Variants in OTOGL observed in about 807,000 individuals in gnomAD.
OTOGL encodes the protein otogelin like.
A neutral mutation model predicts 318.5 loss-of-function variants in OTOGL; 285 were observed. That is an observed-to-expected ratio of 0.89 (90% CI 0.81 to 0.99). The LOEUF is 0.99. Ranked by LOEUF, OTOGL falls within the 50% of genes least tolerant of loss-of-function variation. The pLI is 0.00. For missense variants in OTOGL, 2,899 were observed against 2,845.6 expected (o/e 1.02, Z -0.43); for synonymous variants, 987 against 936.5 (o/e 1.05, Z -0.99).
At chr12:80,222,590 CAG>C (rs1878456433) in intron 7 of OTOGL, among the ~76,000 whole-genome samples, 1 of 152,140 alleles carries the variant, frequency 6.6e-6, no homozygotes, top group Non-Finnish European at 1.5e-5. Flanking sequence ...TGACTGAACT[CAG>C]AGAATTAATT....
chr12:80,190,719 G>A (rs187087334), intron 1 of OTOGL, among the ~76,000 whole-genome samples: 6 of 147,802 alleles, frequency 4.1e-5, no homozygotes, highest in Admixed American at 1.4e-4. Flanking sequence ...CCCAAGAGGC[G>A]GAGCTTGCAG....
chr12:80,252,103 A>C lies in OTOGL; in HGVS notation c.1187A>C (p.His396Pro). The C allele has an allele frequency of 6.4e-7, 1 of 1,555,264 alleles. No homozygotes were observed. Among genetic ancestry groups the C allele is most frequent in the African/African-American group, 1.4e-5 (1 of 73,564 alleles). Residue 396 changes from histidine (H) to proline (P), a missense_variant, in exon 13 of 59, where the codon CAT (histidine) becomes CCT (proline). By Grantham distance (77) the His-to-Pro change is moderately conservative. Coordinates refer to ENST00000547103, the MANE Select transcript of OTOGL (RefSeq NM_001378609.3). ...CTDKCDDSFV[H>P]RDCISCCPPT... ...GATAAATGTGATGATAGCTTTGTCC[A>C]TCGGGACTGTATCAGTTGTTGTCCA...
At chr12:80,323,660 G>T in intron 34 of OTOGL, 63 bp from the exon 35 acceptor site, 3 of 1,255,032 alleles carry the variant, frequency 2.4e-6, no homozygotes, top group Non-Finnish European at 3.5e-6. Flanking sequence ...AAAGAAAAGG[G>T]AATTGTTAGT....
At position 80,379,379 on chromosome 12, in the gene OTOGL, C is replaced by G. The variant is rs920536373; in HGVS notation, c.*1331C>G. 4 of 151,896 alleles carry G rather than the reference C, an allele frequency of 2.6e-5. No individual in the cohort carries two copies. The highest frequency in any genetic ancestry group is 5.9e-5 in the Non-Finnish European group (4 of 67,882). 9.4% of individuals were successfully genotyped at this position (151,896 alleles called of 1,614,324 possible). On this transcript the variant is annotated 3_prime_UTR_variant, in exon 59 of 59. Coordinates refer to ENST00000547103, the MANE Select transcript of OTOGL (RefSeq NM_001378609.3). ...CTTTCATATACTAATGTTTTCATTT[C>G]AAAATCATGTGTCCCCAAAATATTG...
chr12:80,244,245 G>A (rs889689956), intron 11 of OTOGL, among the ~76,000 whole-genome samples: 1 of 146,434 alleles, frequency 6.8e-6, no homozygotes, highest in African/African-American at 2.6e-5. Context: ...ATGTATACAT[G>A]TGCTGTGCTG....
rs111423125 is a variant in OTOGL, at chr12:80,370,541, T to C, written c.6616-29T>C. The C allele has an allele frequency of 1.2e-5, 17 of 1,454,926 alleles. No homozygotes were observed. In the African/African-American group the frequency reaches 1.3e-4, roughly 11 times the overall value. The allele number at this position is 1,454,926 out of a possible 1,614,324, so 90.1% of individuals were successfully genotyped here. On this transcript the variant is annotated intron_variant, in intron 55 of 58. Transcript: ENST00000547103. Reference sequence around the variant, plus strand: ...ATAAATACAGCAGATTTTAATATGCTAAATAGTAACTTTCTTTTTGATTTT... The same window carrying C: ...ATAAATACAGCAGATTTTAATATGCCAAATAGTAACTTTCTTTTTGATTTT...
rs930397694 is a variant in OTOGL, at chr12:80,332,895, A to G, written c.4349-110A>G. Reference sequence around the variant, plus strand: ...CAACATCACAGGATTCTAGGAAGGAATATGTGAAATAATCTATACAAAATT... The same window carrying G: ...CAACATCACAGGATTCTAGGAAGGAGTATGTGAAATAATCTATACAAAATT... On this transcript the variant is annotated intron_variant, in intron 37 of 58. Transcript: ENST00000547103. The G allele has an allele frequency of 1.2e-5, 10 of 801,422 alleles. No individual in the cohort carries two copies. The African/African-American group carries it at 1.6e-4, about 13-fold the overall frequency. The allele number at this position is 801,422 out of a possible 1,614,324, so 49.6% of individuals were successfully genotyped here.
At position 80,296,879 on chromosome 12, in the gene OTOGL, A is replaced by G. The variant is rs763314787; in HGVS notation, c.2981A>G (p.Asp994Gly). The change falls in exon 27 of 59, where the codon GAC becomes GGC. Residue 994 changes from aspartate (D) to glycine (G), a missense_variant. This residue lies in a region of OTOGL where 2,607 missense variants were observed against 2,524.9 expected (regional missense o/e 1.03). Transcript: ENST00000547103. The part of the protein sequence containing the change: ...SVIAQNKKCF[D>G]NDIVCSKSVL... ...ATTGCCCAGAACAAGAAATGCTTTG[A>G]CAACGATATTGTTTGTTCTAAAAGT... The G allele has an allele frequency of 2.7e-5, 42 of 1,530,748 alleles. No individual in the cohort carries two copies. The highest frequency in any genetic ancestry group is 3.5e-5 in the Non-Finnish European group (40 of 1,140,256). 94.8% of individuals were successfully genotyped at this position (1,530,748 alleles called of 1,614,324 possible). A position where few individuals can be genotyped will look rare whatever the true frequency, so the allele number is the denominator to read the frequency against.
At chr12:80,339,754 C>T (rs55684478) in intron 43 of OTOGL, among the ~76,000 whole-genome samples, 1 of 151,868 alleles carries the variant, frequency 6.6e-6, no homozygotes, top group African/African-American at 2.4e-5. Context: ...AAGAACATAC[C>T]ATTCAGGATA....
At chr12:80,170,594 C>T (rs1263836639) in intron 1 of OTOGL, among the ~76,000 whole-genome samples, 2 of 151,858 alleles carry the variant, frequency 1.3e-5, no homozygotes, top group African/African-American at 2.4e-5. Flanking sequence ...CCACCATGCC[C>T]GTATAATTTT....
chr12:80,342,615 T>A (rs1281742362), intron 44 of OTOGL, among the ~76,000 whole-genome samples: 1 of 152,188 alleles, frequency 6.6e-6, no homozygotes, highest in African/African-American at 2.4e-5. Context: ...GTAGGCATTT[T>A]AAATAATCTA....
At chr12:80,284,417 T>G in intron 26 of OTOGL, among the ~76,000 whole-genome samples, 1 of 152,136 alleles carries the variant, frequency 6.6e-6, no homozygotes, top group Non-Finnish European at 1.5e-5. Flanking sequence ...CTGGGTCAAG[T>G]GGTATTTCTG....
intron 1 of OTOGL, among the ~76,000 whole-genome samples, chr12:80,192,372 A>T (rs1431629067): frequency 1.3e-5 from 2 of 152,224 alleles, no homozygotes; most frequent in Non-Finnish European, 2.9e-5. Context: ...GCCTAAGATC[A>T]GGCAGGGACC....
intron 28 of OTOGL, among the ~76,000 whole-genome samples, chr12:80,303,435 G>A (rs534694560): frequency 2.6e-5 from 4 of 152,298 alleles, no homozygotes; most frequent in South Asian, 2.1e-4. Flanking sequence ...GATTACAGGC[G>A]TGAGCCATTG....
chr12:80,317,913 A>T (rs1887074077), intron 32 of OTOGL, among the ~76,000 whole-genome samples: 1 of 152,278 alleles, frequency 6.6e-6, no homozygotes, highest in Non-Finnish European at 1.5e-5. Flanking sequence ...TCTACAGGGT[A>T]CCAAAGTCCC....
At chr12:80,375,650 C>T (rs1891138390) in intron 57 of OTOGL, among the ~76,000 whole-genome samples, 2 of 151,952 alleles carry the variant, frequency 1.3e-5, no homozygotes, top group Non-Finnish European at 2.9e-5. Flanking sequence ...GAAGAGTGTT[C>T]AAAGTGGAGG....
At chr12:80,155,485 A>T (rs1873054730) in intron 1 of OTOGL, among the ~76,000 whole-genome samples, 2 of 152,172 alleles carry the variant, frequency 1.3e-5, no homozygotes, top group South Asian at 4.1e-4. Context: ...TTTTGTGGGT[A>T]CATGGTGTAT....
intron 26 of OTOGL, among the ~76,000 whole-genome samples, chr12:80,288,958 A>G (rs1884835554): frequency 6.6e-6 from 1 of 152,020 alleles, no homozygotes; most frequent in African/African-American, 2.4e-5. Flanking sequence ...AGGAGCTGTG[A>G]TCATTTGGAG....
At chr12:80,356,962 A>G (rs557061021) in intron 49 of OTOGL, 48 bp downstream of exon 49, 1 of 1,092,652 alleles carries the variant, frequency 9.2e-7, no homozygotes, top group African/African-American at 2.9e-5. Flanking sequence ...AGGATCTAGG[A>G]AAAAAATCTC....
Sources: allele counts gnomAD v4.1 joint callset (sites outside exome capture counted in the v4.1 genomes callset), GRCh38; gene constraint gnomAD v4.1.1; regional missense constraint gnomAD v4.1.1; transcripts MANE v1.5; gene names NCBI Gene and HGNC (gene_info 2026-07-23, HGNC 2026-07-21).